The following FAM91A1 variants were observed in gnomAD, a reference collection of about 807,000 sequenced individuals.
FAM91A1 encodes family with sequence similarity 91 member A1, also known as protein FAM91A1.
Under a neutral mutation model 113.5 loss-of-function variants are expected in FAM91A1, and 41 were observed. The observed-to-expected ratio is 0.36, with a 90% confidence interval of 0.28 to 0.47. The LOEUF (loss-of-function observed/expected upper bound fraction) is 0.47, where lower values mean the gene tolerates loss of function less well. FAM91A1 is among the 20% of genes least tolerant of loss of function. The pLI is 1.00. For synonymous variants in FAM91A1, 307 were observed against 347.9 expected (o/e 0.88, Z 1.31); for missense variants, 696 against 1,001.2 (o/e 0.70, Z 4.11).
chr8:123,768,514 C>T lies in FAM91A1; in HGVS notation c.-189C>T, dbSNP rs1814757712. ...GCGATCCAGCCTCCAATCGCTGCTGCTCTTGTACTCGGTTGGCCCGGGCGG... is the reference window on the plus strand; with the variant it reads ...GCGATCCAGCCTCCAATCGCTGCTGTTCTTGTACTCGGTTGGCCCGGGCGG... On this transcript the variant is annotated 5_prime_UTR_variant, in exon 1 of 24. Coordinates refer to ENST00000334705, the MANE Select transcript of FAM91A1 (RefSeq NM_144963.4). The T allele has an allele frequency of 7.7e-6, 4 of 520,426 alleles. No individual in the cohort carries two copies. The East Asian group carries it at 1.0e-4, about 13-fold the overall frequency. The allele number at this position is 520,426 out of a possible 1,614,324, so 32.2% of individuals were successfully genotyped here. A position where few individuals can be genotyped will look rare whatever the true frequency, so the allele number is the denominator to read the frequency against.
chr8:123,778,520 G>C (rs1159864572), intron 5 of FAM91A1, 139 bp from the exon 6 acceptor site: 3 of 597,164 alleles, frequency 5.0e-6, no homozygotes, highest in Non-Finnish European at 8.9e-6. Flanking sequence ...TTAATATCTA[G>C]AATTGTTAAG....
chr8:123,801,301 A>G (rs757620874), intron 18 of FAM91A1, among the ~76,000 whole-genome samples: 2 of 152,206 alleles, frequency 1.3e-5, no homozygotes, highest in Non-Finnish European at 2.9e-5. Context: ...GATAAACCTT[A>G]TACTTTATTT....
chr8:123,770,263 G>A (rs916717888), intron 1 of FAM91A1, among the ~76,000 whole-genome samples: 1 of 152,166 alleles, frequency 6.6e-6, no homozygotes, highest in African/African-American at 2.4e-5. Flanking sequence ...TATGAGGATT[G>A]TTATAGTTTA....
intron 16 of FAM91A1, among the ~76,000 whole-genome samples, 182 bp downstream of exon 16, chr8:123,798,420 T>TATC (rs1359425174): frequency 6.6e-6 from 1 of 152,236 alleles, no homozygotes; most frequent in Non-Finnish European, 1.5e-5. Context: ...TTTATATAAG[T>TATC]ATCACCTAGT....
In FAM91A1 at chr8:123,768,475, T is replaced by C. The variant is rs1348170357; in HGVS notation, c.-228T>C. The C allele has an allele frequency of 8.8e-6, 4 of 456,194 alleles. No individual in the cohort carries two copies. Among genetic ancestry groups the C allele is most frequent in the Non-Finnish European group, 1.5e-5 (4 of 259,660 alleles). The allele number at this position is 456,194 out of a possible 1,614,324, so 28.3% of individuals were successfully genotyped here. ...CGGCGGCCCGAAACTAGGAAGAAAC[T>C]TGGAGCTGTTCAGGCGATCCAGCCT... On this transcript the variant is annotated 5_prime_UTR_variant, in exon 1 of 24. Transcript: ENST00000334705.
At chr8:123,784,040 G>A (rs905117945) in intron 8 of FAM91A1, among the ~76,000 whole-genome samples, 3 of 152,188 alleles carry the variant, frequency 2.0e-5, no homozygotes, top group African/African-American at 4.8e-5. Context: ...CCTGGTTTTC[G>A]TATAGCGTAG....
intron 1 of FAM91A1, among the ~76,000 whole-genome samples, chr8:123,770,422 G>A (rs538181401): frequency 3.6e-4 from 55 of 152,292 alleles, no homozygotes; most frequent in South Asian, 1.2e-3. Flanking sequence ...GAATTCTTGG[G>A]TGTCAGTGGC....
intron 1 of FAM91A1, among the ~76,000 whole-genome samples, chr8:123,773,577 A>G (rs1814909968): frequency 6.6e-6 from 1 of 152,236 alleles, no homozygotes; most frequent in South Asian, 2.1e-4. Context: ...TTTTTAAGAA[A>G]CAATCTTACG....
Position 123,787,250 on chromosome 8 carries a change from G to T in FAM91A1, c.1079-11G>T, listed in dbSNP as rs200437113. ...TCCATTTACTTGATTTTAAATTATG[G>T]TGTTTTTCAGCTGACACAGCCAGTG... On this transcript the variant is annotated splice_polypyrimidine_tract_variant and intron_variant, in intron 12 of 23. Coordinates refer to ENST00000334705, the MANE Select transcript of FAM91A1 (RefSeq NM_144963.4). The T allele has an allele frequency of 6.3e-7, 1 of 1,579,784 alleles. No individual in the cohort carries two copies.
chr8:123,794,398 A>G (rs1307970309), intron 15 of FAM91A1, among the ~76,000 whole-genome samples: 1 of 152,230 alleles, frequency 6.6e-6, no homozygotes, highest in East Asian at 1.9e-4. Flanking sequence ...AAACATATCA[A>G]AACTTAATGC....
chr8:123,771,301 T>A (rs757079429), intron 1 of FAM91A1, among the ~76,000 whole-genome samples: 5 of 152,220 alleles, frequency 3.3e-5, no homozygotes, highest in South Asian at 2.1e-4. Flanking sequence ...TATTTGTGGC[T>A]GAGCACCTAA....
At chr8:123,808,451 T>C (rs1025683032) in intron 21 of FAM91A1, 75 bp downstream of exon 21, 27 of 1,207,714 alleles carry the variant, frequency 2.2e-5, no homozygotes, top group Non-Finnish European at 3.2e-5. Context: ...GGCATTTGCA[T>C]GCCATTTGTC....
intron 14 of FAM91A1, among the ~76,000 whole-genome samples, chr8:123,788,532 T>C (rs987895674): frequency 6.6e-6 from 1 of 152,190 alleles, no homozygotes; most frequent in Non-Finnish European, 1.5e-5. Flanking sequence ...ATTTTTACTT[T>C]TATTAGTGCA....
At chr8:123,769,883 T>C (rs967070348) in intron 1 of FAM91A1, among the ~76,000 whole-genome samples, 7 of 152,348 alleles carry the variant, frequency 4.6e-5, no homozygotes, top group African/African-American at 1.4e-4. Flanking sequence ...CTGTTGGCAC[T>C]CGGCAGTGGC....
chr8:123,802,233 A>C (rs967711469), intron 18 of FAM91A1, among the ~76,000 whole-genome samples: 4 of 152,230 alleles, frequency 2.6e-5, no homozygotes, highest in African/African-American at 9.7e-5. Flanking sequence ...TAAGAGATAA[A>C]GATAGCCCGG....
At chr8:123,800,713 A>G (rs1283314077) in intron 18 of FAM91A1, among the ~76,000 whole-genome samples, 1 of 152,122 alleles carries the variant, frequency 6.6e-6, no homozygotes, top group South Asian at 2.1e-4. Context: ...AGCAACACTA[A>G]TCTACTTGTT....
intron 22 of FAM91A1, 89 bp from the exon 23 acceptor site, chr8:123,810,192 CA>C (rs1815916852): frequency 8.5e-7 from 1 of 1,172,150 alleles, no homozygotes; most frequent in Non-Finnish European, 1.2e-6. Flanking sequence ...TATATAGATG[CA>C]TTTAAATTGC....
chr8:123,781,724 A>G (rs556317005), intron 8 of FAM91A1, among the ~76,000 whole-genome samples: 59 of 152,234 alleles, frequency 3.9e-4, no homozygotes, highest in African/African-American at 1.2e-3. Flanking sequence ...ACCTCAAGCA[A>G]TCTGCCCGCC....
chr8:123,782,303 TC>T (rs1444915591), intron 8 of FAM91A1, among the ~76,000 whole-genome samples: 1 of 152,130 alleles, frequency 6.6e-6, no homozygotes, highest in Non-Finnish European at 1.5e-5. Context: ...CTTTGGCTGT[TC>T]CCCAAATTAG....
Sources: gnomAD v4.1 joint callset for allele counts (sites outside exome capture counted in the v4.1 genomes callset) on GRCh38, gnomAD v4.1.1 for gene constraint, MANE v1.5 for transcripts, NCBI Gene and HGNC (gene_info 2026-07-23, HGNC 2026-07-21) for gene names.